The following ROBO2 variants were observed in gnomAD, a reference collection of about 807,000 sequenced individuals.
ROBO2 encodes the protein roundabout homolog 2.
In ROBO2, 53 loss-of-function variants were observed where a neutral mutation model predicts 160.8. That is an observed-to-expected ratio of 0.33 (90% CI 0.26 to 0.41). ROBO2 has a LOEUF of 0.41. ROBO2 is among the 10% of genes least tolerant of loss of function. ROBO2 has a pLI of 1.00. For synonymous variants in ROBO2, 664 were observed against 611.7 expected, an observed-to-expected ratio of 1.09 and a Z score of -1.26; for missense variants, 1,577 against 1,722.4, an observed-to-expected ratio of 0.92 and a Z score of 1.49.
intron 2 of ROBO2, among the ~76,000 whole-genome samples, chr3:75,938,563 C>T (rs1381940099): frequency 6.6e-6 from 1 of 151,940 alleles, no homozygotes; most frequent in African/African-American, 2.4e-5. Context: ...AGGTGTATTA[C>T]TCCAGATAAA....
intron 24 of ROBO2, among the ~76,000 whole-genome samples, chr3:77,638,818 C>CTTTTTTTT (rs34034420): frequency 1.6e-4 from 8 of 51,270 alleles, no homozygotes; most frequent in African/African-American, 3.3e-4. Flanking sequence ...TTTCACCTAG[C>CTTTTTTTT]TTTTTTTTTT....
intron 2 of ROBO2, among the ~76,000 whole-genome samples, chr3:75,994,817 C>T (rs1038974498): frequency 6.6e-6 from 1 of 152,132 alleles, no homozygotes; most frequent in African/African-American, 2.4e-5. Flanking sequence ...TTGGAACTTC[C>T]TAGAGACTTG....
intron 2 of ROBO2, among the ~76,000 whole-genome samples, chr3:76,980,314 C>A (rs113678025): frequency 0.013 from 1,911 of 152,316 alleles, 19 homozygotes; most frequent in Middle Eastern, 0.027. Context: ...GCTACGCTGG[C>A]TTCCTAAATC....
chr3:76,592,218 T>C (rs553298901), intron 2 of ROBO2, among the ~76,000 whole-genome samples: 10 of 152,214 alleles, frequency 6.6e-5, no homozygotes, highest in African/African-American at 2.4e-4. Context: ...AAAATGGTCC[T>C]TGAAACATTG....
At chr3:76,847,822 T>A (rs1226606635) in intron 2 of ROBO2, among the ~76,000 whole-genome samples, 6 of 152,262 alleles carry the variant, frequency 3.9e-5, no homozygotes, top group Admixed American at 3.3e-4. Context: ...AATAACAAAT[T>A]TTTTTATTTC....
intron 2 of ROBO2, among the ~76,000 whole-genome samples, chr3:76,812,909 A>AT (rs71104626): frequency 0.33 from 34,103 of 104,470 alleles, 6,753 homozygotes; most frequent in Non-Finnish European, 0.38. Context: ...AGAAGTATAA[A>AT]TTTTTTTTTT....
chr3:77,540,431 C>T (rs2092405178), intron 6 of ROBO2, among the ~76,000 whole-genome samples: 1 of 151,992 alleles, frequency 6.6e-6, no homozygotes, highest in African/African-American at 2.4e-5. Context: ...TTCGAATAAG[C>T]CAGAAGTCAA....
At chr3:77,314,932 A>G (rs775995609) in intron 2 of ROBO2, among the ~76,000 whole-genome samples, 6 of 152,196 alleles carry the variant, frequency 3.9e-5, no homozygotes, top group Non-Finnish European at 5.9e-5. Context: ...TCTCTTTACA[A>G]CAATTTTCAA....
chr3:75,911,846 G>A (rs937065177), intron 1 of ROBO2, among the ~76,000 whole-genome samples: 41 of 152,032 alleles, frequency 2.7e-4, no homozygotes, highest in African/African-American at 8.0e-4. Context: ...GTGAGCCACC[G>A]CGCCCTGCCG....
At chr3:76,522,972 A>T (rs1486926837) in intron 2 of ROBO2, among the ~76,000 whole-genome samples, 3 of 148,414 alleles carry the variant, frequency 2.0e-5, no homozygotes, top group African/African-American at 7.3e-5. Flanking sequence ...TGATTATATA[A>T]TTATTTAAAG....
chr3:76,269,496 T>A (rs1002961032), intron 2 of ROBO2, among the ~76,000 whole-genome samples: 5 of 151,860 alleles, frequency 3.3e-5, no homozygotes, highest in Admixed American at 1.3e-4. Context: ...AACTTCTGAA[T>A]GGATGATCAC....
chr3:75,945,535 T>C (rs1198353970), intron 2 of ROBO2, among the ~76,000 whole-genome samples: 1 of 152,142 alleles, frequency 6.6e-6, no homozygotes, highest in African/African-American at 2.4e-5. Context: ...TAATTCATTA[T>C]GAATTTTAAA....
At chr3:76,059,999 A>G (rs755471324) in intron 2 of ROBO2, among the ~76,000 whole-genome samples, 1 of 152,106 alleles carries the variant, frequency 6.6e-6, no homozygotes, top group African/African-American at 2.4e-5. Flanking sequence ...GTTCTGTTCC[A>G]TTGGTCTATA....
chr3:77,644,972 C>A, intron 25 of ROBO2, 68 bp downstream of exon 27: 1 of 1,458,256 alleles, frequency 6.9e-7, no homozygotes, highest in Non-Finnish European at 9.6e-7. Flanking sequence ...AACATTGCCA[C>A]ATTAAACAAA....
chr3:76,271,445 C>A (rs918503551), intron 2 of ROBO2, among the ~76,000 whole-genome samples: 1 of 150,588 alleles, frequency 6.6e-6, no homozygotes, highest in East Asian at 2.0e-4. Flanking sequence ...CAGAAAGTCC[C>A]ATTGCCCTTT....
chr3:76,649,299 C>T (rs556017670), intron 2 of ROBO2, among the ~76,000 whole-genome samples: 1 of 152,190 alleles, frequency 6.6e-6, no homozygotes, highest in South Asian at 2.1e-4. Context: ...CAGCAGAGTG[C>T]TATGTTGTCC....
At chr3:76,295,523 T>C (rs1398988339) in intron 2 of ROBO2, among the ~76,000 whole-genome samples, 2 of 152,196 alleles carry the variant, frequency 1.3e-5, no homozygotes, top group Non-Finnish European at 2.9e-5. Context: ...GAAAATCTTC[T>C]TCTGTACAGT....
chr3:77,324,221 T>A (rs1253185705), intron 2 of ROBO2, among the ~76,000 whole-genome samples: 2 of 152,136 alleles, frequency 1.3e-5, no homozygotes, highest in East Asian at 3.9e-4. Context: ...CTGCAGTATG[T>A]TGATGAATAT....
chr3:76,816,889 A>G (rs2065712396), intron 2 of ROBO2, among the ~76,000 whole-genome samples: 1 of 152,134 alleles, frequency 6.6e-6, no homozygotes, highest in South Asian at 2.1e-4. Flanking sequence ...CTATGTAGCC[A>G]TAAAAAAAAG....
Sources: gnomAD v4.1 joint callset for allele counts (sites outside exome capture counted in the v4.1 genomes callset) on GRCh38, gnomAD v4.1.1 for gene constraint, MANE v1.5 for transcripts, NCBI Gene and HGNC (gene_info 2026-07-23, HGNC 2026-07-21) for gene names.